Variants in GRK2 observed in about 807,000 individuals in gnomAD.
GRK2 encodes adrenergic beta receptor kinase 1.
Under a neutral mutation model 97.8 loss-of-function variants are expected in GRK2, and 23 were observed. The observed-to-expected ratio is 0.24, with a 90% CI of 0.17 to 0.33. GRK2 has a LOEUF of 0.33. GRK2 is among the 10% of genes least tolerant of loss of function. GRK2 has a pLI of 1.00. For synonymous variants in GRK2, 425 were observed against 381.7 expected, an observed-to-expected ratio of 1.11 and a Z score of -1.32; for missense variants, 633 against 956.9, an observed-to-expected ratio of 0.66 and a Z score of 4.47.
rs767180509 is a variant in GRK2 at position 67,281,955 on chromosome 11, G to A, written c.957+3G>A. The stretch of plus-strand genomic sequence containing the variant: ...TCGTGGTCTACCGGGACCTGAAGGT[G>A]AGCGCCCCTGCTGTCCCCAGGCTGG... On this transcript the variant is annotated splice_donor_region_variant and intron_variant, in intron 11 of 20. Coordinates refer to ENST00000308595, the MANE Select transcript of GRK2 (RefSeq NM_001619.5). The surrounding 1 kb of genome is among the most constrained non-coding windows in gnomAD (Gnocchi z 5.7). The A allele has an allele frequency of 3.7e-6, 6 of 1,613,140 alleles. No individual in the cohort carries two copies. The highest frequency in any genetic ancestry group is 2.2e-5 in the East Asian group (1 of 44,886).
chr11:67,280,713 C>A lies in GRK2; in HGVS notation c.504-19C>A, dbSNP rs1860129786. 3.1e-6 allele frequency: 5 copies of A among 1,613,990 alleles called. No individual in the cohort carries two copies. In the East Asian group the frequency reaches 1.1e-4, roughly 36 times the overall value. Reference sequence around the variant, plus strand: ...CCCACATTCTGAGTGGCCCCTGAGCCCTGATTCTTCTTTTCCAGCGATAAG... The same window carrying A: ...CCCACATTCTGAGTGGCCCCTGAGCACTGATTCTTCTTTTCCAGCGATAAG... On this transcript the variant is annotated intron_variant, in intron 6 of 20. Coordinates refer to ENST00000308595, the MANE Select transcript of GRK2 (RefSeq NM_001619.5).
chr11:67,283,079 G>A (rs760940363), intron 14 of GRK2, 49 bp from the exon 15 acceptor site: 2 of 1,577,266 alleles, frequency 1.3e-6, no homozygotes, highest in African/African-American at 1.3e-5. Flanking sequence ...CTGGGATGGG[G>A]TCAAGGGCTC....
chr11:67,285,239 A>C (rs1431285071), intron 20 of GRK2, 47 bp from the exon 21 acceptor site: 1 of 1,609,436 alleles, frequency 6.2e-7, no homozygotes, highest in East Asian at 2.2e-5. Flanking sequence ...CAGGCCAGGC[A>C]GGCTGGGGAG....
At chr11:67,274,035 CA>C (rs1360380542) in intron 1 of GRK2, among the ~76,000 whole-genome samples, 1 of 128,330 alleles carries the variant, frequency 7.8e-6, no homozygotes, top group Non-Finnish European at 1.6e-5. Context: ...TTTTTTGAGA[CA>C]GAGTCTCACT....
At chr11:67,277,370 C>T in intron 2 of GRK2, 22 bp downstream of exon 2, 1 of 1,607,760 alleles carries the variant, frequency 6.2e-7, no homozygotes, top group Non-Finnish European at 8.5e-7. Context: ...AGTGGCTCTG[C>T]CAGCCACCGG....
At chr11:67,267,575 G>C (rs925389339) in intron 1 of GRK2, among the ~76,000 whole-genome samples, 6 of 152,222 alleles carry the variant, frequency 3.9e-5, no homozygotes, top group African/African-American at 1.2e-4. Context: ...CGTGGGTGCT[G>C]TTGACCAGGG....
chr11:67,271,196 C>T (rs1442846781), intron 1 of GRK2, among the ~76,000 whole-genome samples: 1 of 152,248 alleles, frequency 6.6e-6, no homozygotes, highest in Non-Finnish European at 1.5e-5. Context: ...CTACTCCCCG[C>T]CGGCTCCCCA....
rs1860269768 is a variant in GRK2 at position 67,285,885 on chromosome 11, CCCT to C, written c.*436_*438del. 2 of 235,458 alleles carry C rather than the reference CCCT, an allele frequency of 8.5e-6. No homozygotes were observed. The highest frequency in any genetic ancestry group is 1.3e-4 in the South Asian group (2 of 15,958). The allele number at this position is 235,458 out of a possible 1,614,324, so 14.6% of individuals were successfully genotyped here. On this transcript the variant is annotated 3_prime_UTR_variant, in exon 21 of 21. Transcript: ENST00000308595. ...CCCCCTCCTGCTGCAGAGGGGCAGG[CCCT>C]GCACTGTCCTGCTCCACAGTGTTGG...
At chr11:67,284,695 G>C in intron 18 of GRK2, 152 bp from the exon 19 acceptor site, 1 of 1,060,062 alleles carries the variant, frequency 9.4e-7, no homozygotes, top group Non-Finnish European at 1.3e-6. Flanking sequence ...AGGCTGAGGC[G>C]GGAGGATCGT....
At chr11:67,284,406 C>G in intron 18 of GRK2, 33 bp downstream of exon 18, 5 of 1,607,230 alleles carry the variant, frequency 3.1e-6, no homozygotes, top group Non-Finnish European at 4.2e-6. Flanking sequence ...GCACCAGGCC[C>G]CTGCCTGCTT....
chr11:67,286,040 G>T lies in GRK2; in HGVS notation c.*590G>T. On this transcript the variant is annotated 3_prime_UTR_variant, in exon 21 of 21. Coordinates refer to ENST00000308595, the MANE Select transcript of GRK2 (RefSeq NM_001619.5). ...TCCACTCCCACTTCCCTGACACTGC[G>T]GGGCTTGGCTGAGAGAGTGGCATTG... 3.6e-6 allele frequency: 1 copy of T among 279,068 alleles called. No homozygotes were observed. 17.3% of individuals were successfully genotyped at this position (279,068 alleles called of 1,614,324 possible).
chr11:67,283,697 C>G lies in GRK2; in HGVS notation c.1329-10C>G, dbSNP rs536069313. On this transcript the variant is annotated splice_polypyrimidine_tract_variant and intron_variant, in intron 15 of 20. Coordinates refer to ENST00000308595, the MANE Select transcript of GRK2 (RefSeq NM_001619.5). The stretch of plus-strand genomic sequence containing the variant: ...GGGGCTGAGCCCAGATGACTGGCCT[C>G]TCCCCACAGGGCTCAGGAGGTGAAA... 3.7e-6 allele frequency: 6 copies of G among 1,612,960 alleles called. No homozygotes were observed. Among genetic ancestry groups the G allele is most frequent in the African/African-American group, 2.7e-5 (2 of 75,026 alleles).
At chr11:67,274,409 GGCTCC>G (rs1859978711) in intron 1 of GRK2, among the ~76,000 whole-genome samples, 1 of 150,196 alleles carries the variant, frequency 6.7e-6, no homozygotes, top group African/African-American at 2.4e-5. Context: ...GACAATGCCC[GGCTCC>G]TGGTGGGTGA....
At position 67,283,235 on chromosome 11, in the gene GRK2, AC is replaced by A; in HGVS notation, c.1328+10del. Reference sequence around the variant, plus strand: ...TGGGCTGCCTGGGCCGAGGGTGAGTACCCTGGCGCCTTGGGCATGCTGCTGG... The same window carrying A: ...TGGGCTGCCTGGGCCGAGGGTGAGTACCTGGCGCCTTGGGCATGCTGCTGG... On this transcript the variant is annotated splice_region_variant and intron_variant, in intron 15 of 20. Transcript: ENST00000308595. The A allele has an allele frequency of 2.5e-6, 4 of 1,611,710 alleles. No individual in the cohort carries two copies. The highest frequency in any genetic ancestry group is 3.4e-6 in the Non-Finnish European group (4 of 1,178,050).
rs781150940 is a variant in GRK2, at chr11:67,279,181, C to T, written c.191-19C>T. On this transcript the variant is annotated intron_variant, in intron 2 of 20. Coordinates refer to ENST00000308595, the MANE Select transcript of GRK2 (RefSeq NM_001619.5). ...TCTGAGAGAGGCGTGGCTCTGTGAC[C>T]TTACACTGTTGCCTTCAGGGTACCT... 9.9e-6 allele frequency: 16 copies of T among 1,609,548 alleles called. 1 individual carries two copies. In the South Asian group the frequency reaches 1.3e-4, roughly 13 times the overall value.
chr11:67,272,527 T>C (rs1859932067), intron 1 of GRK2, among the ~76,000 whole-genome samples: 1 of 152,068 alleles, frequency 6.6e-6, no homozygotes, highest in African/African-American at 2.4e-5. Context: ...AACCATGAGG[T>C]GCCAGAAGGG....
At position 67,284,380 on chromosome 11, in the gene GRK2, G is replaced by A. The variant is rs1860225181; in HGVS notation, c.1654+7G>A. ...CAGCTGGGCCATGAGGAAGGTGAGG[G>A]TCGCCGGCTGCTGCGGCACCAGGCC... On this transcript the variant is annotated splice_region_variant and intron_variant, in intron 18 of 20. Transcript: ENST00000308595. 6.2e-7 allele frequency: 1 copy of A among 1,610,764 alleles called. No homozygotes were observed. Among genetic ancestry groups the A allele is most frequent in the African/African-American group, 1.3e-5 (1 of 74,916 alleles).
rs1442645637 is a variant in GRK2 at position 67,269,154 on chromosome 11, G to A, written c.113+2342G>A. 6.6e-6 allele frequency among the ~76,000 whole-genome samples: 1 copy of A among 152,248 alleles called. No homozygotes were observed. Among genetic ancestry groups the A allele is most frequent in the African/African-American group, 2.4e-5 (1 of 41,460 alleles). On this transcript the variant is annotated intron_variant, in intron 1 of 20. Coordinates refer to ENST00000308595, the MANE Select transcript of GRK2 (RefSeq NM_001619.5). The surrounding 1 kb of genome is among the most constrained non-coding windows in gnomAD (Gnocchi z 4.1). ...CACCCTTTGCATAACGCCTTGCCTT[G>A]CACACCCAGTGGGGCAGAGCACGCC...
intron 1 of GRK2, among the ~76,000 whole-genome samples, chr11:67,273,963 C>G (rs1435741710): frequency 4.2e-4 from 64 of 151,120 alleles, no homozygotes; most frequent in Non-Finnish European, 1.3e-4. Flanking sequence ...GTGGCAGTGG[C>G]TACTCCCTGG....
Sources: allele counts gnomAD v4.1 joint callset (sites outside exome capture counted in the v4.1 genomes callset), GRCh38; gene constraint gnomAD v4.1.1; non-coding constraint Gnocchi (gnomAD v3.1); transcripts MANE v1.5; gene names NCBI Gene and HGNC (gene_info 2026-07-23, HGNC 2026-07-21).